Variants in SSH1 observed in about 807,000 individuals in gnomAD.
The protein encoded by SSH1 is slingshot protein phosphatase 1, also known as protein phosphatase Slingshot homolog 1.
In SSH1, 43 loss-of-function variants were observed where a neutral mutation model predicts 79.7. The ratio of observed to expected loss-of-function variants is 0.54; its 90% confidence interval spans 0.42 to 0.70. The LOEUF is 0.70. Among genes scored for constraint, SSH1 ranks in the 30% least tolerant of loss-of-function variants. SSH1 has a pLI of 0.00. For synonymous variants in SSH1, 599 were observed against 538.3 expected (o/e 1.11, Z -1.56); for missense variants, 1,206 against 1,358.8 (o/e 0.89, Z 1.77).
At position 108,796,105 on chromosome 12, in the gene SSH1, G is replaced by A. The variant is rs190983629; in HGVS notation, c.1349+2895C>T. 1.9e-4 allele frequency among the ~76,000 whole-genome samples: 29 copies of A among 152,068 alleles called. No homozygotes were observed. In the East Asian group the frequency reaches 2.5e-3, roughly 13 times the overall value. On this transcript the variant is annotated intron_variant, in intron 13 of 14. Coordinates refer to ENST00000326495, the MANE Select transcript of SSH1 (RefSeq NM_018984.4). Reference sequence around the variant, plus strand: ...TAATTCTTGTATTTTTAGTAGAGACGGGGTTTAACCTTGTTGGCCAGACTG... The same window carrying A: ...TAATTCTTGTATTTTTAGTAGAGACAGGGTTTAACCTTGTTGGCCAGACTG...
At chr12:108,817,215 C>G (rs771217960) in intron 4 of SSH1, 56 bp from the exon 5 acceptor site, 1 of 1,605,358 alleles carries the variant, frequency 6.2e-7, no homozygotes, top group Non-Finnish European at 8.5e-7. Context: ...GTGCCTCCCT[C>G]CCATCTCCAA....
rs529806722 is a variant in SSH1 at position 108,844,315 on chromosome 12, G to C, written c.110+8323C>G. Among the ~76,000 whole-genome samples the C allele has an allele frequency of 4.5e-3, 685 of 152,210 alleles. 8 individuals are homozygous for C. The highest frequency in any genetic ancestry group is 0.016 in the African/African-American group (657 of 41,514). On this transcript the variant is annotated intron_variant, in intron 2 of 14. Transcript: ENST00000326495. Reference sequence around the variant, plus strand: ...ACATGGGCGGTTATTTTTAAGGCCAGCATGTTCAAGGTGGGGGCAAATCCA... The same window carrying C: ...ACATGGGCGGTTATTTTTAAGGCCACCATGTTCAAGGTGGGGGCAAATCCA...
intron 2 of SSH1, among the ~76,000 whole-genome samples, chr12:108,831,828 G>C (rs2038481198): frequency 6.6e-6 from 1 of 152,132 alleles, no homozygotes; most frequent in Non-Finnish European, 1.5e-5. Context: ...TTATAAGTTT[G>C]GTTAGCGTAA....
At chr12:108,828,977 A>T (rs1298980426) in intron 2 of SSH1, among the ~76,000 whole-genome samples, 1 of 152,210 alleles carries the variant, frequency 6.6e-6, no homozygotes, top group Non-Finnish European at 1.5e-5. Context: ...ATTCCAAAAT[A>T]GAATCACCAG....
At chr12:108,831,385 G>A (rs762319143) in intron 2 of SSH1, among the ~76,000 whole-genome samples, 1 of 152,186 alleles carries the variant, frequency 6.6e-6, no homozygotes, top group Admixed American at 6.5e-5. Context: ...CTGTTAATTC[G>A]GTTTCGATCA....
rs1389222856 is a variant in SSH1 at position 108,779,533 on chromosome 12, C to T, written c.*8455G>A. On this transcript the variant is annotated 3_prime_UTR_variant, in exon 15 of 15. Transcript: ENST00000326495. ...TGGCTTCATCAATTTTTAGATGTAC[C>T]TGTAGGCAAATTACTTCCACTCTGT... The T allele has an allele frequency of 2.6e-5, 4 of 152,190 alleles. No homozygotes were observed. Among genetic ancestry groups the T allele is most frequent in the Non-Finnish European group, 5.9e-5 (4 of 68,044 alleles). 9.4% of individuals were successfully genotyped at this position (152,190 alleles called of 1,614,324 possible).
In SSH1 at chr12:108,808,821, CTTTTTTTT is replaced by C. The variant is rs148110288; in HGVS notation, c.536+864_536+871del. Among the ~76,000 whole-genome samples the C allele has an allele frequency of 8.7e-5, 7 of 80,276 alleles. No homozygotes were observed. The South Asian group carries it at 1.7e-3, about 20-fold the overall frequency. 52.7% of individuals were successfully genotyped at this position (80,276 alleles called of 152,430 possible). A position where few individuals can be genotyped will look rare whatever the true frequency, so the allele number is the denominator to read the frequency against. The stretch of plus-strand genomic sequence containing the variant: ...TTTATTTAGTCACCCTCTTTTACTT[CTTTTTTTT>C]TTTTTTTTTTTTTTTTTTGTTTGAG... On this transcript the variant is annotated intron_variant, in intron 7 of 14. Coordinates refer to ENST00000326495, the MANE Select transcript of SSH1 (RefSeq NM_018984.4).
intron 13 of SSH1, among the ~76,000 whole-genome samples, chr12:108,793,913 G>A (rs551876005): frequency 4.6e-5 from 7 of 152,194 alleles, no homozygotes; most frequent in South Asian, 2.1e-4. Context: ...TCACTGCCAC[G>A]CTGCTATGAA....
At position 108,789,002 on chromosome 12, in the gene SSH1, G is replaced by A. The variant is rs1192441270; in HGVS notation, c.2136C>T (p.Pro712=). The A allele has an allele frequency of 1.1e-5, 17 of 1,609,744 alleles. No individual in the cohort carries two copies. The highest frequency in any genetic ancestry group is 1.4e-5 in the Non-Finnish European group (17 of 1,177,318). ...EKPASGPTEP[P]PFLPPAGSRR... ...TGGAGCCTGCTGGTGGTAGGAACGG[G>A]GGAGGTTCGGTTGGGCCAGAGGCTG... The change falls in exon 15 of 15, where the codon CCC becomes CCT. Residue 712 remains proline, a synonymous_variant. Transcript: ENST00000326495.
At chr12:108,804,724 T>C (rs990521584) in intron 10 of SSH1, among the ~76,000 whole-genome samples, 6 of 152,196 alleles carry the variant, frequency 3.9e-5, no homozygotes, top group Non-Finnish European at 8.8e-5. Context: ...CACTTGGAAG[T>C]AACTGGATGG....
intron 5 of SSH1, among the ~76,000 whole-genome samples, chr12:108,815,236 GC>G (rs1565995462): frequency 2.0e-5 from 3 of 152,210 alleles, no homozygotes; most frequent in African/African-American, 7.2e-5. Flanking sequence ...AATCACTGCA[GC>G]CTCGTGAGCT....
intron 2 of SSH1, among the ~76,000 whole-genome samples, chr12:108,843,211 G>A (rs2038820292): frequency 6.6e-6 from 1 of 152,156 alleles, no homozygotes; most frequent in Admixed American, 6.5e-5. Flanking sequence ...GGACAGAGGG[G>A]TCTTGAGACT....
intron 2 of SSH1, among the ~76,000 whole-genome samples, chr12:108,834,603 G>A (rs1057092486): frequency 1.3e-5 from 2 of 152,154 alleles, no homozygotes; most frequent in East Asian, 1.9e-4. Context: ...TGTTATCCTC[G>A]GCAAAGGCGG....
At chr12:108,820,860 T>C (rs1034061027) in intron 3 of SSH1, among the ~76,000 whole-genome samples, 4 of 152,254 alleles carry the variant, frequency 2.6e-5, no homozygotes, top group Non-Finnish European at 5.9e-5. Context: ...TGTGGACAGC[T>C]GGCGGCCCCT....
chr12:108,811,034 G>A (rs942940903), intron 6 of SSH1, among the ~76,000 whole-genome samples: 1 of 152,188 alleles, frequency 6.6e-6, no homozygotes, highest in Non-Finnish European at 1.5e-5. Context: ...CATATCTCCT[G>A]TAATCACTCC....
intron 3 of SSH1, among the ~76,000 whole-genome samples, chr12:108,819,505 T>C (rs1260046821): frequency 6.6e-6 from 1 of 152,192 alleles, no homozygotes; most frequent in Non-Finnish European, 1.5e-5. Flanking sequence ...TCTGCAAGGA[T>C]TTCTTTCTGA....
chr12:108,801,826 G>A (rs572204181), intron 11 of SSH1, among the ~76,000 whole-genome samples: 8 of 151,504 alleles, frequency 5.3e-5, no homozygotes, highest in Admixed American at 5.3e-4. Context: ...GTCAGACTAC[G>A]ACAGGCATAT....
At chr12:108,829,858 T>C (rs551106924) in intron 2 of SSH1, among the ~76,000 whole-genome samples, 4 of 152,096 alleles carry the variant, frequency 2.6e-5, no homozygotes. Context: ...TCACAGCACT[T>C]TGGGAGGTCA....
chr12:108,798,496 C>A lies in SSH1; in HGVS notation c.1349+504G>T, dbSNP rs117667205. ...TCGGACTACAAGTGCATGTCCCAGG[C>A]CCAGCTAAGGTGGGCATTAATTCTT... On this transcript the variant is annotated intron_variant, in intron 13 of 14. Transcript: ENST00000326495. 4.6e-3 allele frequency among the ~76,000 whole-genome samples: 696 copies of A among 152,314 alleles called. 6 individuals are homozygous for A. The highest frequency in any genetic ancestry group is 7.4e-3 in the Non-Finnish European group (505 of 68,022).
Sources: gnomAD v4.1 joint callset for allele counts (sites outside exome capture counted in the v4.1 genomes callset) on GRCh38, gnomAD v4.1.1 for gene constraint, MANE v1.5 for transcripts, NCBI Gene and HGNC (gene_info 2026-07-23, HGNC 2026-07-21) for gene names.